BNC2: variants seen among roughly 807,000 people sequenced by gnomAD.
BNC2 encodes zinc finger protein basonuclin-2.
BNC2 carries 20 observed loss-of-function variants against 76.3 expected under a neutral mutation model. The observed-to-expected ratio is 0.26, with a 90% CI of 0.18 to 0.38. The LOEUF is 0.38. Among genes scored for constraint, BNC2 ranks in the 10% least tolerant of loss-of-function variants. The pLI is 1.00. For synonymous variants in BNC2, 582 were observed against 514.8 expected (o/e 1.13, Z -1.77); for missense variants, 1,382 against 1,399.8 (o/e 0.99, Z 0.20).
At chr9:16,562,761 A>G (rs539225099) in intron 4 of BNC2, among the ~76,000 whole-genome samples, 4 of 152,318 alleles carry the variant, frequency 2.6e-5, no homozygotes, top group East Asian at 3.9e-4. Flanking sequence ...ATTTTTTCCT[A>G]AAGTCCAACA....
At chr9:16,836,671 G>C (rs1264265135) in intron 1 of BNC2, among the ~76,000 whole-genome samples, 1 of 152,084 alleles carries the variant, frequency 6.6e-6, no homozygotes, top group Non-Finnish European at 1.5e-5. Flanking sequence ...AAATGAAGAG[G>C]ACATTCTGCT....
intron 4 of BNC2, among the ~76,000 whole-genome samples, chr9:16,554,289 T>C (rs1382348523): frequency 6.6e-6 from 1 of 152,210 alleles, no homozygotes; most frequent in African/African-American, 2.4e-5. Flanking sequence ...ATGTATTTTT[T>C]CAGGGCTCCT....
intron 1 of BNC2, among the ~76,000 whole-genome samples, chr9:16,783,317 A>G (rs577153840): frequency 4.6e-5 from 7 of 152,170 alleles, no homozygotes; most frequent in Admixed American, 1.3e-4. Context: ...TTCAAATTTA[A>G]TCTAAACACA....
rs550388941 is a variant in BNC2, at chr9:16,410,645, G to A, written c.*8344C>T. 6 of 152,656 alleles carry A rather than the reference G, an allele frequency of 3.9e-5. No individual in the cohort carries two copies. Among genetic ancestry groups the A allele is most frequent in the Admixed American group, 3.3e-4 (5 of 15,302 alleles). The allele number at this position is 152,656 out of a possible 1,614,324, so 9.5% of individuals were successfully genotyped here. A position where few individuals can be genotyped will look rare whatever the true frequency, so the allele number is the denominator to read the frequency against. ...GCAAACCCTGGACAGGGTAGAACAC[G>A]TTTCCAAAGCAATTAAAACCAAGAT... On this transcript the variant is annotated 3_prime_UTR_variant, in exon 7 of 7. Transcript: ENST00000380672.
At chr9:16,553,406 G>A (rs763415805) in intron 4 of BNC2, among the ~76,000 whole-genome samples, 6 of 152,084 alleles carry the variant, frequency 3.9e-5, no homozygotes, top group Non-Finnish European at 7.4e-5. Context: ...AATTTCTCTC[G>A]TTAGTCACCT....
At chr9:16,493,490 G>A (rs1297633700) in intron 5 of BNC2, among the ~76,000 whole-genome samples, 1 of 152,176 alleles carries the variant, frequency 6.6e-6, no homozygotes, top group Non-Finnish European at 1.5e-5. Context: ...AACATGGTAG[G>A]TAGACTAGGT....
intron 1 of BNC2, among the ~76,000 whole-genome samples, chr9:16,780,230 C>T (rs1246901888): frequency 9.6e-5 from 4 of 41,468 alleles, no homozygotes; most frequent in Admixed American, 3.1e-4. Flanking sequence ...AGCAAGACTT[C>T]GTTTCAAAAA....
intron 3 of BNC2, among the ~76,000 whole-genome samples, chr9:16,644,530 G>A (rs969828016): frequency 5.3e-5 from 8 of 151,710 alleles, no homozygotes; most frequent in African/African-American, 1.7e-4. Context: ...TATAGTCATA[G>A]GGATTCTGAA....
chr9:16,816,119 G>A (rs915467622), intron 1 of BNC2, among the ~76,000 whole-genome samples: 2 of 151,956 alleles, frequency 1.3e-5, no homozygotes, highest in African/African-American at 4.8e-5. Flanking sequence ...CCTGACAAAC[G>A]GTAGCAGAGC....
chr9:16,440,242 T>A (rs1821098407), intron 5 of BNC2, among the ~76,000 whole-genome samples: 1 of 152,134 alleles, frequency 6.6e-6, no homozygotes. Flanking sequence ...ACACAAAAAT[T>A]CTGACTCTAA....
intron 1 of BNC2, among the ~76,000 whole-genome samples, chr9:16,821,845 G>C (rs1818339394): frequency 6.6e-6 from 1 of 152,090 alleles, no homozygotes; most frequent in African/African-American, 2.4e-5. Flanking sequence ...TGTAATCCCA[G>C]CATTCTGGAA....
intron 1 of BNC2, among the ~76,000 whole-genome samples, chr9:16,838,539 C>A (rs1024280022): frequency 2.6e-5 from 4 of 152,146 alleles, no homozygotes; most frequent in African/African-American, 4.8e-5. Context: ...CCAGCCTGGA[C>A]AACAAGAGCG....
chr9:16,519,296 A>G (rs1253362686), intron 5 of BNC2, among the ~76,000 whole-genome samples: 1 of 152,236 alleles, frequency 6.6e-6, no homozygotes, highest in African/African-American at 2.4e-5. Flanking sequence ...AGCTGGAAAG[A>G]GGAGTAGCCC....
At chr9:16,841,661 T>C (rs373407979) in intron 1 of BNC2, among the ~76,000 whole-genome samples, 72 of 152,064 alleles carry the variant, frequency 4.7e-4, no homozygotes, top group African/African-American at 1.5e-3. Flanking sequence ...AATACAAAGT[T>C]TGAAAATGTT....
At chr9:16,522,582 T>C in intron 5 of BNC2, among the ~76,000 whole-genome samples, 1 of 152,170 alleles carries the variant, frequency 6.6e-6, no homozygotes, top group East Asian at 1.9e-4. Context: ...TGACTGAGAC[T>C]TGATAACCTG....
In BNC2 at chr9:16,678,263, T is replaced by TTCTC. The variant is rs1207069730; in HGVS notation, c.330+49533_330+49534insGAGA. Among the ~76,000 whole-genome samples, 157 of 137,016 alleles carry TTCTC rather than the reference T, an allele frequency of 1.1e-3. 22 individuals carry two copies. Among genetic ancestry groups the TTCTC allele is most frequent in the East Asian group, 7.8e-3 (25 of 3,210 alleles). The allele number at this position is 137,016 out of a possible 152,430, so 89.9% of individuals were successfully genotyped here. On this transcript the variant is annotated intron_variant, in intron 3 of 6. Transcript: ENST00000380672. ...CATAACTTGTAACTGTTTTCTTTCT[T>TTCTC]TTTCTTTTTTTTTTTTTTTTTTTTT...
intron 3 of BNC2, among the ~76,000 whole-genome samples, chr9:16,658,945 G>T (rs1822014214): frequency 6.6e-6 from 1 of 152,180 alleles, no homozygotes; most frequent in South Asian, 2.1e-4. Flanking sequence ...ACTAGGATCA[G>T]AAAAATACAT....
chr9:16,689,178 A>AG (rs1823073723), intron 3 of BNC2, among the ~76,000 whole-genome samples: 1 of 151,642 alleles, frequency 6.6e-6, no homozygotes, highest in African/African-American at 2.4e-5. Context: ...AAAAAAAAAA[A>AG]AAAAAAAAAT....
intron 5 of BNC2, among the ~76,000 whole-genome samples, chr9:16,540,685 G>A (rs992498674): frequency 1.3e-5 from 2 of 152,142 alleles, no homozygotes; most frequent in African/African-American, 2.4e-5. Context: ...TTTTAAAGGA[G>A]GCTTCAGTAA....
Sources: allele counts gnomAD v4.1 joint callset (sites outside exome capture counted in the v4.1 genomes callset), GRCh38; gene constraint gnomAD v4.1.1; transcripts MANE v1.5; gene names NCBI Gene and HGNC (gene_info 2026-07-23, HGNC 2026-07-21).